SPMAP2L: variants seen among roughly 807,000 people sequenced by gnomAD.
SPMAP2L encodes the protein sperm microtubule associated protein 2-like.
the SPMAP2L span, among the ~76,000 whole-genome samples, chr4:56,585,614 T>A: frequency 6.6e-6 from 1 of 152,170 alleles, no homozygotes; most frequent in African/African-American, 2.4e-5. Context: ...AATGCTGGGA[T>A]TATAGGTGTG....
At chr4:56,548,251 T>C in the SPMAP2L span, among the ~76,000 whole-genome samples, 1 of 152,160 alleles carries the variant, frequency 6.6e-6, no homozygotes, top group Non-Finnish European at 1.5e-5. Flanking sequence ...TTTTTACCTT[T>C]CCTGTAGTGC....
chr4:56,587,132 C>T, the SPMAP2L span, among the ~76,000 whole-genome samples: 1 of 151,454 alleles, frequency 6.6e-6, no homozygotes, highest in African/African-American at 2.4e-5. Context: ...TTTTAAGAGC[C>T]CTAAATAATT....
chr4:56,580,180 C>T, the SPMAP2L span, among the ~76,000 whole-genome samples: 1 of 152,046 alleles, frequency 6.6e-6, no homozygotes, highest in Non-Finnish European at 1.5e-5. Context: ...CCAAAATACT[C>T]TACTAGCAAA....
At chr4:56,585,298 A>G in the SPMAP2L span, among the ~76,000 whole-genome samples, 3 of 152,214 alleles carry the variant, frequency 2.0e-5, no homozygotes, top group Non-Finnish European at 4.4e-5. Context: ...AAAATTTTAG[A>G]GAAGTCATAG....
the SPMAP2L span, among the ~76,000 whole-genome samples, chr4:56,581,675 A>G: frequency 2.0e-5 from 3 of 152,146 alleles, no homozygotes; most frequent in African/African-American, 2.4e-5. Flanking sequence ...TGATAAAGTG[A>G]TCCTAAAGTT....
the SPMAP2L span, among the ~76,000 whole-genome samples, chr4:56,561,786 G>A: frequency 2.1e-4 from 32 of 152,032 alleles, no homozygotes; most frequent in East Asian, 3.9e-3. Flanking sequence ...GTGCAGTGGC[G>A]CCATCTTGGC....
the SPMAP2L span, among the ~76,000 whole-genome samples, chr4:56,537,006 C>T: frequency 3.3e-4 from 50 of 152,174 alleles, no homozygotes; most frequent in Non-Finnish European, 5.1e-4. Context: ...TTAGGTGATC[C>T]GCTCACCTCA....
chr4:56,605,305 C>T, the SPMAP2L span, among the ~76,000 whole-genome samples: 1 of 152,158 alleles, frequency 6.6e-6, no homozygotes. Flanking sequence ...CTGGAGATAA[C>T]ACAGTGAACC....
chr4:56,559,353 A>AT, the SPMAP2L span: 19 of 1,228,624 alleles, frequency 1.5e-5, no homozygotes, highest in East Asian at 6.6e-5. Flanking sequence ...ACTAGCAATC[A>AT]ATTTTTTTTT....
At chr4:56,595,618 C>T in the SPMAP2L span, 1 of 1,275,304 alleles carries the variant, frequency 7.8e-7, no homozygotes, top group South Asian at 1.2e-5. Context: ...CCAGTGATTG[C>T]CCGGATTGAT....
At chr4:56,583,711 G>A in the SPMAP2L span, among the ~76,000 whole-genome samples, 1 of 152,146 alleles carries the variant, frequency 6.6e-6, no homozygotes, top group African/African-American at 2.4e-5. Context: ...CATTGCAGAG[G>A]GGCCCTCAGT....
chr4:56,583,606 G>A, the SPMAP2L span, among the ~76,000 whole-genome samples: 1 of 152,154 alleles, frequency 6.6e-6, no homozygotes, highest in Non-Finnish European at 1.5e-5. Flanking sequence ...TTTGATTAGG[G>A]AAAGAAATAT....
the SPMAP2L span, among the ~76,000 whole-genome samples, chr4:56,597,643 G>A: frequency 6.6e-6 from 1 of 151,986 alleles, no homozygotes; most frequent in Non-Finnish European, 1.5e-5. Context: ...TCAGTTTTTT[G>A]GTATGTAAAA....
At chr4:56,584,111 C>T in the SPMAP2L span, among the ~76,000 whole-genome samples, 4 of 151,988 alleles carry the variant, frequency 2.6e-5, no homozygotes, top group African/African-American at 9.7e-5. Flanking sequence ...GGACTACAGG[C>T]ACATGCCACC....
At chr4:56,595,552 C>G in the SPMAP2L span, 1 of 1,437,338 alleles carries the variant, frequency 7.0e-7, no homozygotes, top group South Asian at 1.1e-5. Flanking sequence ...GCCTTATATT[C>G]CAGAGAGGTG....
the SPMAP2L span, among the ~76,000 whole-genome samples, chr4:56,551,121 T>G: frequency 6.6e-6 from 1 of 152,208 alleles, no homozygotes; most frequent in African/African-American, 2.4e-5. Context: ...TGTCAGTGAC[T>G]GAATCCTACC....
the SPMAP2L span, chr4:56,584,557 A>G: frequency 1.3e-6 from 2 of 1,535,454 alleles, no homozygotes; most frequent in Non-Finnish European, 1.7e-6. Flanking sequence ...CTCCCCGGAT[A>G]TTACAACTCT....
At chr4:56,594,370 C>T in the SPMAP2L span, 1 of 1,565,048 alleles carries the variant, frequency 6.4e-7, no homozygotes, top group Non-Finnish European at 8.8e-7. Flanking sequence ...TCGCACCTAT[C>T]ACATGGAAAG....
chr4:56,624,149 A>G, the SPMAP2L span, among the ~76,000 whole-genome samples: 2 of 152,222 alleles, frequency 1.3e-5, no homozygotes, highest in African/African-American at 4.8e-5. Context: ...GACTCTTGTT[A>G]TGTTTTAGCA....
Sources: gnomAD v4.1 joint callset for allele counts (sites outside exome capture counted in the v4.1 genomes callset) on GRCh38, gnomAD v4.1.1 for gene constraint, MANE v1.5 for transcripts, NCBI Gene and HGNC (gene_info 2026-07-23, HGNC 2026-07-21) for gene names.